The following PRELID2 variants were observed in gnomAD, a reference collection of about 807,000 sequenced individuals.
The protein encoded by PRELID2 is PRELI domain containing 2, also known as PRELI domain-containing protein 2.
In PRELID2, 25 loss-of-function variants were observed where a neutral mutation model predicts 28.4. The observed-to-expected ratio is 0.88, with a 90% CI of 0.64 to 1.23. The LOEUF is 1.23. PRELID2 is among the 50% of genes most tolerant of loss of function. The pLI, the probability that PRELID2 is intolerant of heterozygous loss-of-function variation, is 0.00. For missense variants in PRELID2, 201 were observed against 214.4 expected (o/e 0.94, Z 0.39); for synonymous variants, 76 against 71.6 (o/e 1.06, Z -0.31).
At chr5:145,813,784 G>GA (rs34258250) in intron 4 of PRELID2, among the ~76,000 whole-genome samples, 14 of 148,326 alleles carry the variant, frequency 9.4e-5, no homozygotes, top group South Asian at 2.1e-4. Flanking sequence ...ACCAAAGGAA[G>GA]AAAAAAAAAA....
chr5:145,469,344 T>C (rs1194750123), downstream of PRELID2, among the ~76,000 whole-genome samples: 2 of 152,098 alleles, frequency 1.3e-5, no homozygotes, highest in Non-Finnish European at 2.9e-5. Flanking sequence ...GTGCAACAAT[T>C]TGAGGCGTGT....
At chr5:145,554,659 G>T (rs550284467) in intron 1 of PRELID2, among the ~76,000 whole-genome samples, 3 of 152,222 alleles carry the variant, frequency 2.0e-5, no homozygotes, top group Non-Finnish European at 2.9e-5. Context: ...TGTGTTGTTG[G>T]CTGGCACTCC....
Position 145,480,573 on chromosome 5 carries a change from G to GA in PRELID2, n.71-7259dup, listed in dbSNP as rs140347557. Among the ~76,000 whole-genome samples, 3,869 of 152,024 alleles carry GA rather than the reference G, an allele frequency of 0.025. 468 individuals carry two copies. In the East Asian group the frequency reaches 0.4, roughly 16 times the overall value. On this transcript the variant is annotated intron_variant and non_coding_transcript_variant, in intron 1 of 2. Coordinates refer to the PRELID2 transcript ENST00000510259. ...ACATTTACCCTACATTTTGTGGCTT[G>GA]AAAAATGCCCTCACATATTTTATTT...
intron 1 of PRELID2, among the ~76,000 whole-genome samples, chr5:145,647,827 G>A (rs923147424): frequency 5.9e-5 from 9 of 152,126 alleles, no homozygotes; most frequent in South Asian, 2.1e-4. Flanking sequence ...CGGGTTATGC[G>A]ATTCCCCACC....
intron 1 of PRELID2, among the ~76,000 whole-genome samples, chr5:145,740,611 T>TAA (rs1756651811): frequency 6.0e-4 from 6 of 9,948 alleles, no homozygotes; most frequent in Non-Finnish European, 2.4e-3. Flanking sequence ...ATATTATATA[T>TAA]ATAAATATAT....
At chr5:145,474,339 T>C (rs1016249245) in intron 1 of PRELID2, among the ~76,000 whole-genome samples, 1 of 152,220 alleles carries the variant, frequency 6.6e-6, no homozygotes, top group Admixed American at 6.5e-5. Flanking sequence ...ATAATCATTT[T>C]ATAAAACTAG....
intron 5 of PRELID2, chr5:145,795,331 A>C (rs1369997716): frequency 6.6e-6 from 1 of 152,132 alleles, no homozygotes. Flanking sequence ...CTTCAAGTCC[A>C]GGTTTAAAGA....
chr5:145,577,268 A>G (rs140317323), intron 1 of PRELID2, among the ~76,000 whole-genome samples: 6 of 152,322 alleles, frequency 3.9e-5, no homozygotes, highest in African/African-American at 1.4e-4. Context: ...AAAGAAATGG[A>G]GATGCATGAA....
chr5:145,742,183 T>C (rs1342440790), intron 1 of PRELID2, among the ~76,000 whole-genome samples: 1 of 59,108 alleles, frequency 1.7e-5, no homozygotes, highest in African/African-American at 5.4e-5. Flanking sequence ...ATTATAAATT[T>C]ATATATAAAT....
At chr5:145,596,119 A>AAAAAAAAAAAAAACT (rs1753302769) in intron 1 of PRELID2, among the ~76,000 whole-genome samples, 1 of 149,736 alleles carries the variant, frequency 6.7e-6, no homozygotes, top group Non-Finnish European at 1.5e-5. Context: ...AAAAAAAAAA[A>AAAAAAAAAAAAAACT]GTCTGTTTAG....
chr5:145,584,059 C>T (rs1227928864), intron 1 of PRELID2, among the ~76,000 whole-genome samples: 2 of 152,076 alleles, frequency 1.3e-5, no homozygotes, highest in African/African-American at 2.4e-5. Flanking sequence ...CTACAGTAAC[C>T]AAAACAGCAT....
chr5:145,286,014 G>A, the PRELID2 span, among the ~76,000 whole-genome samples: 2 of 152,138 alleles, frequency 1.3e-5, no homozygotes, highest in African/African-American at 2.4e-5. Context: ...CTCAGTCCCA[G>A]CAAAACCAGT....
intron 1 of PRELID2, among the ~76,000 whole-genome samples, chr5:145,619,308 C>G (rs1753742479): frequency 6.6e-6 from 1 of 152,224 alleles, no homozygotes; most frequent in African/African-American, 2.4e-5. Context: ...TGGCCACGCT[C>G]CCAAAGGACC....
intron 2 of PRELID2, among the ~76,000 whole-genome samples, chr5:145,821,273 C>T (rs1754802909): frequency 1.4e-5 from 2 of 140,176 alleles, no homozygotes; most frequent in African/African-American, 5.3e-5. Flanking sequence ...GTGTGTAAGC[C>T]CTCTTCTGTG....
chr5:145,656,453 G>A (rs184345270), intron 1 of PRELID2, among the ~76,000 whole-genome samples: 56 of 152,186 alleles, frequency 3.7e-4, no homozygotes, highest in African/African-American at 1.3e-3. Context: ...CCATGCACAT[G>A]TATGTTCATT....
intron 1 of PRELID2, among the ~76,000 whole-genome samples, chr5:145,563,979 G>A (rs1304748091): frequency 1.3e-5 from 2 of 152,170 alleles, no homozygotes; most frequent in Non-Finnish European, 2.9e-5. Flanking sequence ...TTCACCGACT[G>A]TCAAAGTCTT....
At chr5:145,785,413 T>C (rs189830607) in intron 5 of PRELID2, among the ~76,000 whole-genome samples, 6 of 152,260 alleles carry the variant, frequency 3.9e-5, no homozygotes, top group Admixed American at 6.5e-5. Flanking sequence ...ATATTTGGTA[T>C]ACGATTGTTA....
chr5:145,599,382 C>A (rs1449979250), intron 1 of PRELID2, among the ~76,000 whole-genome samples: 1 of 151,938 alleles, frequency 6.6e-6, no homozygotes, highest in Admixed American at 6.6e-5. Flanking sequence ...GCTCAACTGA[C>A]CACAAACCCT....
chr5:145,436,619 G>C, the PRELID2 span, among the ~76,000 whole-genome samples: 1 of 151,884 alleles, frequency 6.6e-6, no homozygotes, highest in East Asian at 1.9e-4. Flanking sequence ...TGTTTTTTAC[G>C]TTTTAATAAT....
Sources: allele counts gnomAD v4.1 joint callset (sites outside exome capture counted in the v4.1 genomes callset), GRCh38; gene constraint gnomAD v4.1.1; transcripts MANE v1.5; gene names NCBI Gene and HGNC (gene_info 2026-07-23, HGNC 2026-07-21).